Variants in GPC6 observed in about 807,000 individuals in gnomAD.
GPC6 encodes the protein glypican-6.
In GPC6, 14 loss-of-function variants were observed where a neutral mutation model predicts 55.2. That is an observed-to-expected ratio of 0.25 (90% CI 0.17 to 0.40). The LOEUF is 0.40. Among genes scored for constraint, GPC6 ranks in the 10% least tolerant of loss-of-function variants. The pLI is 1.00. For missense variants in GPC6, 641 were observed against 708.5 expected (o/e 0.90, Z 1.08); for synonymous variants, 278 against 259.6 (o/e 1.07, Z -0.68).
intron 2 of GPC6, among the ~76,000 whole-genome samples, chr13:93,657,036 G>A (rs1397249558): frequency 1.3e-5 from 2 of 151,966 alleles, no homozygotes; most frequent in Non-Finnish European, 2.9e-5. Context: ...CCAAAGCAAT[G>A]TACAGATTCA....
chr13:94,045,049 C>T lies in GPC6; in HGVS notation c.877+17155C>T, dbSNP rs541054823. Among the ~76,000 whole-genome samples, 88 of 151,604 alleles carry T rather than the reference C, an allele frequency of 5.8e-4. 1 individual carries two copies. The highest frequency in any genetic ancestry group is 3.4e-3 in the Middle Eastern group (1 of 294). On this transcript the variant is annotated intron_variant, in intron 4 of 8. Coordinates refer to ENST00000377047, the MANE Select transcript of GPC6 (RefSeq NM_005708.5). Reference sequence around the variant, plus strand: ...TTACCACAGCAGATAAGTATAGGTACGTTTATTTTTAAATAATATTTTTTA... The same window carrying T: ...TTACCACAGCAGATAAGTATAGGTATGTTTATTTTTAAATAATATTTTTTA...
At chr13:93,832,882 G>T (rs575248121) in intron 3 of GPC6, among the ~76,000 whole-genome samples, 1 of 152,240 alleles carries the variant, frequency 6.6e-6, no homozygotes, top group Admixed American at 6.5e-5. Context: ...CCATTCTTTT[G>T]CAGAACAATT....
intron 3 of GPC6, among the ~76,000 whole-genome samples, chr13:93,924,701 T>C (rs1306330830): frequency 6.7e-6 from 1 of 150,150 alleles, no homozygotes; most frequent in Non-Finnish European, 1.5e-5. Context: ...CTTTTCTTTT[T>C]TTTTTTTTTT....
intron 4 of GPC6, among the ~76,000 whole-genome samples, chr13:94,160,311 A>G (rs1321531892): frequency 6.6e-6 from 1 of 152,222 alleles, no homozygotes; most frequent in Admixed American, 6.5e-5. Context: ...TCAGGCATCC[A>G]CCAAGGGTCT....
chr13:93,552,923 A>G (rs1013892081), intron 2 of GPC6, among the ~76,000 whole-genome samples: 19 of 152,196 alleles, frequency 1.2e-4, no homozygotes, highest in African/African-American at 4.1e-4. Context: ...CTAAGTAGAG[A>G]AAACTTATTT....
Position 93,849,880 on chromosome 13 carries a change from T to G in GPC6, c.711+19335T>G, listed in dbSNP as rs7336678. ...ATGATGGGAACATTTTTACCGTGAA[T>G]TATTAGAATTATTAAGGAGAAAGGA... On this transcript the variant is annotated intron_variant, in intron 3 of 8. Transcript: ENST00000377047. 8.8e-3 allele frequency among the ~76,000 whole-genome samples: 1,340 copies of G among 152,104 alleles called. 26 individuals carry two copies. The highest frequency in any genetic ancestry group is 0.031 in the African/African-American group (1,278 of 41,526).
At chr13:93,311,914 A>G (rs1879081229) in intron 1 of GPC6, among the ~76,000 whole-genome samples, 1 of 152,192 alleles carries the variant, frequency 6.6e-6, no homozygotes, top group South Asian at 2.1e-4. Flanking sequence ...TGGGGTAATC[A>G]GGCAGAAGCA....
At chr13:93,943,205 G>T (rs1471171456) in intron 3 of GPC6, among the ~76,000 whole-genome samples, 1 of 152,046 alleles carries the variant, frequency 6.6e-6, no homozygotes, top group Admixed American at 6.6e-5. Flanking sequence ...TCAATTCTAT[G>T]TACAGTATAC....
At chr13:93,754,607 T>G (rs923434079) in intron 2 of GPC6, among the ~76,000 whole-genome samples, 5 of 151,788 alleles carry the variant, frequency 3.3e-5, no homozygotes, top group African/African-American at 1.2e-4. Context: ...ACACTTAGAA[T>G]CAGAGTACCA....
At chr13:94,382,573 A>C in intron 7 of GPC6, 23 bp downstream of exon 7, 1 of 1,613,680 alleles carries the variant, frequency 6.2e-7, no homozygotes, top group Non-Finnish European at 8.5e-7. Flanking sequence ...CGATGTGTGC[A>C]TGGATGGGGG....
At position 93,487,365 on chromosome 13, in the gene GPC6, C is replaced by T. The variant is rs372039474; in HGVS notation, c.161-57898C>T. ...GTTATTTTTCCTAATCTTCTCCCTT[C>T]TCCCATCCTCTACCCTCAGACAGGC... On this transcript the variant is annotated intron_variant, in intron 1 of 8. Transcript: ENST00000377047. Among the ~76,000 whole-genome samples the T allele has an allele frequency of 1.4e-4, 21 of 152,312 alleles. 1 individual carries two copies. Among genetic ancestry groups the T allele is most frequent in the East Asian group, 9.6e-4 (5 of 5,182 alleles).
intron 2 of GPC6, among the ~76,000 whole-genome samples, chr13:93,741,117 CTTTT>C (rs772541106): frequency 2.6e-5 from 2 of 77,184 alleles, no homozygotes; most frequent in African/African-American, 5.1e-5. Flanking sequence ...CATCCAGAAT[CTTTT>C]TTTTTTTTTT....
At chr13:93,662,569 G>T (rs1374675303) in intron 2 of GPC6, among the ~76,000 whole-genome samples, 2 of 152,126 alleles carry the variant, frequency 1.3e-5, no homozygotes, top group African/African-American at 4.8e-5. Context: ...GGCGGAGGTT[G>T]CAGTGAGCCA....
At chr13:93,979,887 C>T (rs868286117) in intron 3 of GPC6, among the ~76,000 whole-genome samples, 17 of 151,988 alleles carry the variant, frequency 1.1e-4, no homozygotes, top group South Asian at 4.1e-4. Context: ...CAGAAAGATA[C>T]GACTCAAAAA....
chr13:93,928,370 G>A (rs1309896923), intron 3 of GPC6, among the ~76,000 whole-genome samples: 2 of 152,062 alleles, frequency 1.3e-5, no homozygotes, highest in African/African-American at 2.4e-5. Flanking sequence ...TTTATATAAA[G>A]CATAGCTCTT....
chr13:93,967,214 G>T (rs1880087991), intron 3 of GPC6, among the ~76,000 whole-genome samples: 1 of 152,168 alleles, frequency 6.6e-6, no homozygotes, highest in Non-Finnish European at 1.5e-5. Flanking sequence ...GTGCTAAGGG[G>T]ACTGAGATGT....
intron 1 of GPC6, among the ~76,000 whole-genome samples, chr13:93,499,764 A>C (rs1410768706): frequency 1.3e-5 from 2 of 152,118 alleles, no homozygotes; most frequent in Admixed American, 1.3e-4. Flanking sequence ...AAATGAATAT[A>C]TCTCTCATTA....
intron 4 of GPC6, among the ~76,000 whole-genome samples, chr13:94,116,085 C>CTTTAGTAATTTAGTTATAA (rs977949573): frequency 3.9e-5 from 6 of 151,984 alleles, no homozygotes; most frequent in Non-Finnish European, 7.4e-5. Context: ...GCATTAAGTG[C>CTTTAGTAATTTAGTTATAA]TTTAGTAATT....
intron 4 of GPC6, among the ~76,000 whole-genome samples, chr13:94,256,014 G>A (rs1251097741): frequency 6.6e-6 from 1 of 151,992 alleles, no homozygotes; most frequent in East Asian, 1.9e-4. Flanking sequence ...GCAACTGACT[G>A]ATATATGCAT....
Sources: allele counts gnomAD v4.1 joint callset (sites outside exome capture counted in the v4.1 genomes callset), GRCh38; gene constraint gnomAD v4.1.1; transcripts MANE v1.5; gene names NCBI Gene and HGNC (gene_info 2026-07-23, HGNC 2026-07-21).